Variants in LSAMP observed in about 807,000 individuals in gnomAD.
LSAMP encodes the protein limbic system-associated membrane protein.
In LSAMP, 7 loss-of-function variants were observed where a neutral mutation model predicts 38.6. That is an observed-to-expected ratio of 0.18 (90% confidence interval 0.10 to 0.34). The LOEUF is 0.34. Ranked by LOEUF, LSAMP falls within the 10% of genes least tolerant of loss-of-function variation. LSAMP has a pLI of 1.00. For synonymous variants in LSAMP, 154 were observed against 166.8 expected (o/e 0.92, Z 0.59); for missense variants, 313 against 420.0 (o/e 0.75, Z 2.23).
chr3:115,902,146 T>C (rs913077520), intron 3 of LSAMP, among the ~76,000 whole-genome samples: 3 of 152,072 alleles, frequency 2.0e-5, no homozygotes, highest in Admixed American at 6.6e-5. Flanking sequence ...GTGTTTATAT[T>C]ATAAAGAAAT....
chr3:116,242,732 G>A (rs139309898), intron 1 of LSAMP, among the ~76,000 whole-genome samples: 50 of 150,800 alleles, frequency 3.3e-4, no homozygotes, highest in African/African-American at 1.1e-3. Context: ...CAGCCCAAAC[G>A]TGTTCAACCT....
In LSAMP at chr3:116,004,264, A is replaced by T. The variant is rs571246067; in HGVS notation, c.514+15251T>A. Among the ~76,000 whole-genome samples, 86 of 152,188 alleles carry T rather than the reference A, an allele frequency of 5.7e-4. 3 individuals carry two copies. The South Asian group carries it at 0.017, about 30-fold the overall frequency. Reference sequence around the variant, plus strand: ...TCATGGTCCCTGTGCTTTGAGGGTAAAAATTCAGGCCAAGGCTAAAGAGTA... The same window carrying T: ...TCATGGTCCCTGTGCTTTGAGGGTATAAATTCAGGCCAAGGCTAAAGAGTA... On this transcript the variant is annotated intron_variant, in intron 3 of 6. Transcript: ENST00000490035.
intron 3 of LSAMP, among the ~76,000 whole-genome samples, chr3:115,929,171 G>T (rs1937539966): frequency 6.6e-6 from 1 of 151,798 alleles, no homozygotes; most frequent in Non-Finnish European, 1.5e-5. Flanking sequence ...GATTAACTCT[G>T]CAATGAAGAG....
At chr3:115,873,538 T>C (rs982257657) in intron 3 of LSAMP, among the ~76,000 whole-genome samples, 2 of 152,090 alleles carry the variant, frequency 1.3e-5, no homozygotes, top group African/African-American at 4.8e-5. Context: ...AGCTATTTAG[T>C]AATTAATTTT....
chr3:115,823,605 A>G (rs1934316496), intron 6 of LSAMP, among the ~76,000 whole-genome samples: 1 of 152,250 alleles, frequency 6.6e-6, no homozygotes, highest in African/African-American at 2.4e-5. Context: ...TTATCAGAAT[A>G]GAAAACTATT....
intron 3 of LSAMP, among the ~76,000 whole-genome samples, chr3:115,964,704 T>G (rs1300995297): frequency 6.6e-6 from 1 of 152,082 alleles, no homozygotes; most frequent in Non-Finnish European, 1.5e-5. Flanking sequence ...GAATACAGAA[T>G]GAAGAAACAA....
At chr3:116,191,887 C>T (rs1446354976) in intron 1 of LSAMP, among the ~76,000 whole-genome samples, 5 of 152,014 alleles carry the variant, frequency 3.3e-5, no homozygotes, top group African/African-American at 9.7e-5. Flanking sequence ...TCAGATTTAA[C>T]TCTTTCATCA....
intron 3 of LSAMP, among the ~76,000 whole-genome samples, chr3:115,934,542 T>C (rs1444808262): frequency 3.3e-5 from 5 of 152,192 alleles, no homozygotes; most frequent in African/African-American, 1.2e-4. Context: ...AAAATACATA[T>C]ATACTATATT....
At chr3:115,904,895 T>C (rs1936971573) in intron 3 of LSAMP, among the ~76,000 whole-genome samples, 1 of 152,184 alleles carries the variant, frequency 6.6e-6, no homozygotes, top group African/African-American at 2.4e-5. Flanking sequence ...GTTTTGTTGG[T>C]CCCTCTTTTG....
In LSAMP at chr3:116,445,157, G is replaced by A. The variant is rs1000545703; in HGVS notation, c.-126C>T. 36 of 898,014 alleles carry A rather than the reference G, an allele frequency of 4.0e-5. No individual in the cohort carries two copies. In the African/African-American group the frequency reaches 5.5e-4, roughly 14 times the overall value. The allele number at this position is 898,014 out of a possible 1,614,324, so 55.6% of individuals were successfully genotyped here. ...CGCAGAGCGGGCTTTGCCAGTTTAT[G>A]GTCCTTTCCACTTTGCCTCTCTCTT... On this transcript the variant is annotated 5_prime_UTR_variant, in exon 1 of 7. Coordinates refer to ENST00000490035, the MANE Select transcript of LSAMP (RefSeq NM_002338.5).
intron 1 of LSAMP, among the ~76,000 whole-genome samples, chr3:116,209,741 ATTATTTATTTAT>A: frequency 1.3e-5 from 2 of 151,508 alleles, no homozygotes; most frequent in Middle Eastern, 6.8e-3. Context: ...GGATTTATTT[ATTATTTATTTAT>A]TTATTTATTT....
intron 1 of LSAMP, among the ~76,000 whole-genome samples, chr3:116,241,281 T>A (rs1260927293): frequency 6.6e-6 from 1 of 151,236 alleles, no homozygotes; most frequent in Non-Finnish European, 1.5e-5. Flanking sequence ...ATTCTTTATG[T>A]TGGCCGGGCG....
chr3:116,169,209 A>G (rs1475918461), intron 1 of LSAMP, among the ~76,000 whole-genome samples: 3 of 152,144 alleles, frequency 2.0e-5, no homozygotes, highest in Non-Finnish European at 4.4e-5. Context: ...GTCTCTCACG[A>G]TAATAGATAA....
At chr3:116,198,605 T>TA (rs1246067449) in intron 1 of LSAMP, among the ~76,000 whole-genome samples, 1 of 150,802 alleles carries the variant, frequency 6.6e-6, no homozygotes, top group Non-Finnish European at 1.5e-5. Flanking sequence ...CCGTCTCTAC[T>TA]AAAAAAATAC....
Position 116,395,344 on chromosome 3 carries a change from C to A in LSAMP, c.155+49533G>T, listed in dbSNP as rs139213537. 2.8e-3 allele frequency among the ~76,000 whole-genome samples: 434 copies of A among 152,294 alleles called. 2 individuals are homozygous for A. The highest frequency in any genetic ancestry group is 9.9e-3 in the African/African-American group (413 of 41,562). On this transcript the variant is annotated intron_variant, in intron 1 of 6. Coordinates refer to ENST00000490035, the MANE Select transcript of LSAMP (RefSeq NM_002338.5). The stretch of plus-strand genomic sequence containing the variant: ...GAGATGCACGGCACACAGCTCAGCT[C>A]TTCCCTGGATGAGCATGTTACCAAT...
At chr3:115,955,540 CT>C in intron 3 of LSAMP, among the ~76,000 whole-genome samples, 1 of 152,300 alleles carries the variant, frequency 6.6e-6, no homozygotes, top group Middle Eastern at 3.4e-3. Flanking sequence ...CAGCATGGTA[CT>C]TCTTCTTAGG....
intron 3 of LSAMP, among the ~76,000 whole-genome samples, chr3:115,869,269 G>GA (rs1559859455): frequency 8.8e-4 from 113 of 128,512 alleles, no homozygotes; most frequent in Non-Finnish European, 1.2e-3. Flanking sequence ...TCTTGGAGGG[G>GA]GAGAGAGAGA....
chr3:116,082,740 C>T (rs946596789), intron 2 of LSAMP, among the ~76,000 whole-genome samples: 8 of 152,112 alleles, frequency 5.3e-5, no homozygotes, highest in East Asian at 1.9e-4. Flanking sequence ...TTTGCAGGAA[C>T]GTAGGTGGGG....
At chr3:116,129,078 TTTACA>T (rs1709069477) in intron 1 of LSAMP, among the ~76,000 whole-genome samples, 2 of 152,310 alleles carry the variant, frequency 1.3e-5, no homozygotes, top group Admixed American at 1.3e-4. Flanking sequence ...ACTAACTATA[TTTACA>T]TTAAATTTAT....
Sources: gnomAD v4.1 joint callset for allele counts (sites outside exome capture counted in the v4.1 genomes callset) on GRCh38, gnomAD v4.1.1 for gene constraint, MANE v1.5 for transcripts, NCBI Gene and HGNC (gene_info 2026-07-23, HGNC 2026-07-21) for gene names.